GPC6: variants seen among roughly 807,000 people sequenced by gnomAD.
The protein encoded by GPC6 is glypican-6.
A neutral mutation model predicts 55.2 loss-of-function variants in GPC6; 14 were observed. The ratio of observed to expected loss-of-function variants is 0.25; its 90% confidence interval spans 0.17 to 0.40. GPC6 has a LOEUF of 0.40. GPC6 is among the 10% of genes least tolerant of loss of function. The pLI, the probability that GPC6 is intolerant of heterozygous loss-of-function variation, is 1.00. For missense variants in GPC6, 641 were observed against 708.5 expected (o/e 0.90, Z 1.08); for synonymous variants, 278 against 259.6 (o/e 1.07, Z -0.68).
intron 3 of GPC6, among the ~76,000 whole-genome samples, chr13:93,954,892 T>G (rs891133247): frequency 5.9e-5 from 9 of 152,176 alleles, no homozygotes; most frequent in Admixed American, 4.6e-4. Context: ...ATCCACCACC[T>G]TCTAGCATAG....
intron 3 of GPC6, among the ~76,000 whole-genome samples, chr13:93,921,365 C>G (rs1484600749): frequency 6.6e-6 from 1 of 152,146 alleles, no homozygotes; most frequent in African/African-American, 2.4e-5. Flanking sequence ...TAAGTGTTAA[C>G]CAGCTCAGTG....
At chr13:93,581,651 C>G (rs56927879) in intron 2 of GPC6, among the ~76,000 whole-genome samples, 6,606 of 152,118 alleles carry the variant, frequency 0.043, 478 homozygotes, top group African/African-American at 0.15. Flanking sequence ...TCGCAGTGAG[C>G]GAAGATTGCG....
At chr13:93,314,667 A>T (rs1162991287) in intron 1 of GPC6, among the ~76,000 whole-genome samples, 1 of 151,688 alleles carries the variant, frequency 6.6e-6, no homozygotes, top group Non-Finnish European at 1.5e-5. Context: ...AAGAGAATGG[A>T]GTTCAGGAAA....
chr13:93,936,780 G>A (rs184149465), intron 3 of GPC6, among the ~76,000 whole-genome samples: 1 of 152,246 alleles, frequency 6.6e-6, no homozygotes, highest in Admixed American at 6.5e-5. Flanking sequence ...AACCACGGGT[G>A]GATTTTCAGA....
chr13:93,734,622 C>T (rs888860002), intron 2 of GPC6, among the ~76,000 whole-genome samples: 9 of 152,094 alleles, frequency 5.9e-5, no homozygotes, highest in African/African-American at 2.2e-4. Context: ...CAAGGATAGA[C>T]TATGTATATT....
intron 2 of GPC6, among the ~76,000 whole-genome samples, chr13:93,801,858 C>T (rs1886382888): frequency 6.6e-6 from 1 of 152,174 alleles, no homozygotes; most frequent in Non-Finnish European, 1.5e-5. Context: ...CCATGCTTAA[C>T]CAATTCATCT....
At chr13:94,111,097 T>C (rs947533211) in intron 4 of GPC6, among the ~76,000 whole-genome samples, 3 of 152,170 alleles carry the variant, frequency 2.0e-5, no homozygotes, top group African/African-American at 7.2e-5. Flanking sequence ...GAGCATCTTT[T>C]TCATATGTTT....
intron 2 of GPC6, among the ~76,000 whole-genome samples, chr13:93,804,870 TG>T (rs1417067907): frequency 1.3e-5 from 2 of 152,276 alleles, no homozygotes; most frequent in East Asian, 3.9e-4. Context: ...TGAGTCTCCG[TG>T]AACTAGAGAA....
chr13:94,179,859 G>T (rs768915705), intron 4 of GPC6, among the ~76,000 whole-genome samples: 1 of 152,106 alleles, frequency 6.6e-6, no homozygotes, highest in Non-Finnish European at 1.5e-5. Flanking sequence ...GCAGGAAAAT[G>T]GAAAATGTGA....
At chr13:93,284,656 A>G (rs1386527749) in intron 1 of GPC6, among the ~76,000 whole-genome samples, 1 of 152,202 alleles carries the variant, frequency 6.6e-6, no homozygotes, top group Non-Finnish European at 1.5e-5. Flanking sequence ...GTAAATATGT[A>G]CATCTCAAAA....
At chr13:94,033,995 G>A (rs1883234398) in intron 4 of GPC6, among the ~76,000 whole-genome samples, 1 of 152,078 alleles carries the variant, frequency 6.6e-6, no homozygotes, top group Non-Finnish European at 1.5e-5. Flanking sequence ...ATTCGTGAAA[G>A]CACCAGGAAA....
rs1369747885 is a variant in GPC6 at position 93,974,642 on chromosome 13, T to C, written c.712-53087T>C. Among the ~76,000 whole-genome samples, 3 of 152,164 alleles carry C rather than the reference T, an allele frequency of 2.0e-5. No homozygotes were observed. In the East Asian group the frequency reaches 5.8e-4, roughly 29 times the overall value. On this transcript the variant is annotated intron_variant, in intron 3 of 8. Coordinates refer to ENST00000377047, the MANE Select transcript of GPC6 (RefSeq NM_005708.5). ...ACAACCTCCTGTAATTAATAGGACG[T>C]TTGATTTTCTTTCTTGAATAGAGGT... is the stretch of plus-strand genomic sequence containing the variant.
chr13:93,521,298 T>A (rs1881412052), intron 1 of GPC6, among the ~76,000 whole-genome samples: 1 of 151,880 alleles, frequency 6.6e-6, no homozygotes, highest in African/African-American at 2.4e-5. Context: ...TTATTTTCTT[T>A]TCTTTTCTTT....
rs565103690 is a variant in GPC6 at position 93,441,382 on chromosome 13, C to G, written c.161-103881C>G. 1.6e-4 allele frequency among the ~76,000 whole-genome samples: 24 copies of G among 152,184 alleles called. No individual in the cohort carries two copies. In the South Asian group the frequency reaches 4.8e-3, roughly 30 times the overall value. Reference sequence around the variant, plus strand: ...TTGTTTCCTGACTTTTTAATGATCCCCATTCTAACTGGTGTGAGATGGTAT... The same window carrying G: ...TTGTTTCCTGACTTTTTAATGATCCGCATTCTAACTGGTGTGAGATGGTAT... On this transcript the variant is annotated intron_variant, in intron 1 of 8. Transcript: ENST00000377047.
chr13:93,333,537 T>TTA (rs1879931349), intron 1 of GPC6, among the ~76,000 whole-genome samples: 1 of 146,826 alleles, frequency 6.8e-6, no homozygotes, highest in Non-Finnish European at 1.5e-5. Context: ...TTGAATTTTT[T>TTA]TTTTTTTTTT....
intron 1 of GPC6, among the ~76,000 whole-genome samples, chr13:93,348,638 G>T (rs1046848830): frequency 2.0e-5 from 3 of 152,114 alleles, no homozygotes; most frequent in African/African-American, 7.2e-5. Flanking sequence ...AAGCAAACCT[G>T]CTCTTTCCCT....
chr13:94,100,432 A>G (rs1436304065), intron 4 of GPC6, among the ~76,000 whole-genome samples: 1 of 152,216 alleles, frequency 6.6e-6, no homozygotes, highest in East Asian at 1.9e-4. Flanking sequence ...ATGTCCAGAA[A>G]TATAAAGAAA....
At chr13:94,009,652 T>C (rs950657696) in intron 3 of GPC6, among the ~76,000 whole-genome samples, 1 of 152,114 alleles carries the variant, frequency 6.6e-6, no homozygotes, top group Admixed American at 6.5e-5. Flanking sequence ...AAGCCTCCCA[T>C]GTCCTGCTTT....
At chr13:93,963,634 G>A (rs1879887223) in intron 3 of GPC6, among the ~76,000 whole-genome samples, 1 of 152,204 alleles carries the variant, frequency 6.6e-6, no homozygotes, top group Admixed American at 6.5e-5. Flanking sequence ...AATGGCGTAT[G>A]TTTGTCTTTA....
Sources: gnomAD v4.1 joint callset for allele counts (sites outside exome capture counted in the v4.1 genomes callset) on GRCh38, gnomAD v4.1.1 for gene constraint, MANE v1.5 for transcripts, NCBI Gene and HGNC (gene_info 2026-07-23, HGNC 2026-07-21) for gene names.